ARHGAP10: variants seen among roughly 807,000 people sequenced by gnomAD.
ARHGAP10 encodes the protein Rho GTPase activating protein 10, also known as rho GTPase-activating protein 10.
In ARHGAP10, 87 loss-of-function variants were observed where a neutral mutation model predicts 108.6. The observed-to-expected ratio is 0.80, with a 90% CI of 0.67 to 0.96. The LOEUF is 0.96. ARHGAP10 is among the 40% of genes least tolerant of loss of function. The pLI, the probability that ARHGAP10 is intolerant of heterozygous loss-of-function variation, is 0.00. For synonymous variants in ARHGAP10, 347 were observed against 341.1 expected, an observed-to-expected ratio of 1.02 and a Z score of -0.19; for missense variants, 939 against 954.5, an observed-to-expected ratio of 0.98 and a Z score of 0.21.
intron 20 of ARHGAP10, among the ~76,000 whole-genome samples, chr4:148,059,862 C>T (rs1436393782): frequency 6.6e-6 from 1 of 152,176 alleles, no homozygotes; most frequent in Non-Finnish European, 1.5e-5. Context: ...TCCCTGAGTT[C>T]CAGTTCCTAC....
chr4:147,850,314 C>T (rs1452571097), intron 4 of ARHGAP10, among the ~76,000 whole-genome samples: 1 of 152,200 alleles, frequency 6.6e-6, no homozygotes, highest in East Asian at 1.9e-4. Flanking sequence ...CCATCCAAGC[C>T]AGCAGGGGCA....
Position 147,783,024 on chromosome 4 carries a change from A to C in ARHGAP10, c.155-39703A>C, listed in dbSNP as rs1020109764. 2.1e-5 allele frequency among the ~76,000 whole-genome samples: 3 copies of C among 141,008 alleles called. No individual in the cohort carries two copies. In the Admixed American group the frequency reaches 2.2e-4, roughly 11 times the overall value. 92.5% of individuals were successfully genotyped at this position (141,008 alleles called of 152,430 possible). The stretch of plus-strand genomic sequence containing the variant: ...ATATAAATTATATACTATATGTTAA[A>C]TTATATATATAAATTATATACTATA... On this transcript the variant is annotated intron_variant, in intron 1 of 22. Coordinates refer to ENST00000336498, the MANE Select transcript of ARHGAP10 (RefSeq NM_024605.4).
chr4:147,905,932 T>G (rs928034840), intron 10 of ARHGAP10, among the ~76,000 whole-genome samples: 3 of 152,220 alleles, frequency 2.0e-5, no homozygotes, highest in Admixed American at 6.5e-5. Flanking sequence ...GTAGTTCTCC[T>G]TGAAGAGGTC....
chr4:147,744,485 G>A (rs1285014269), intron 1 of ARHGAP10, among the ~76,000 whole-genome samples: 2 of 152,146 alleles, frequency 1.3e-5, no homozygotes, highest in Non-Finnish European at 2.9e-5. Flanking sequence ...AGTGGTGTGA[G>A]TTGAATTGTT....
intron 13 of ARHGAP10, among the ~76,000 whole-genome samples, chr4:147,939,618 G>C (rs987335323): frequency 2.6e-5 from 4 of 152,146 alleles, no homozygotes; most frequent in Admixed American, 2.0e-4. Context: ...ATGGAACATT[G>C]TTTGCTGAGA....
intron 18 of ARHGAP10, among the ~76,000 whole-genome samples, chr4:148,022,050 A>G (rs6856145): frequency 0.24 from 35,777 of 152,148 alleles, 6,415 homozygotes; most frequent in African/African-American, 0.5. Context: ...GTTGTTCAGC[A>G]ATACACATAT....
intron 5 of ARHGAP10, among the ~76,000 whole-genome samples, chr4:147,860,501 G>C (rs1415115393): frequency 6.6e-6 from 1 of 152,138 alleles, no homozygotes; most frequent in East Asian, 1.9e-4. Context: ...CATATACCAT[G>C]CTGGCTATTT....
At chr4:148,050,619 C>T (rs1198803954) in intron 20 of ARHGAP10, among the ~76,000 whole-genome samples, 1 of 151,464 alleles carries the variant, frequency 6.6e-6, no homozygotes, top group Non-Finnish European at 1.5e-5. Flanking sequence ...GTGATCCACC[C>T]ACCTCGGCCT....
chr4:147,854,625 C>A, intron 4 of ARHGAP10: 2 of 871,488 alleles, frequency 2.3e-6, no homozygotes, highest in Non-Finnish European at 2.8e-6. Context: ...AAGCTCCATT[C>A]TTTATTGAAT....
At chr4:148,063,564 A>T (rs1729722338) in intron 21 of ARHGAP10, among the ~76,000 whole-genome samples, 1 of 152,202 alleles carries the variant, frequency 6.6e-6, no homozygotes, top group Non-Finnish European at 1.5e-5. Context: ...TGCATTTATG[A>T]AGAAGTTCTT....
chr4:147,982,242 T>A (rs1739836617), intron 18 of ARHGAP10, among the ~76,000 whole-genome samples: 1 of 152,208 alleles, frequency 6.6e-6, no homozygotes, highest in Non-Finnish European at 1.5e-5. Context: ...AACATGATCC[T>A]TTTCTGTAGC....
At chr4:147,751,449 C>T (rs548663944) in intron 1 of ARHGAP10, among the ~76,000 whole-genome samples, 2 of 151,294 alleles carry the variant, frequency 1.3e-5, no homozygotes, top group East Asian at 2.0e-4. Flanking sequence ...CTGCAACCTC[C>T]GCCTCCTGGG....
intron 7 of ARHGAP10, 52 bp downstream of exon 7, chr4:147,866,868 A>G (rs752311692): frequency 1.4e-6 from 2 of 1,443,032 alleles, no homozygotes; most frequent in Non-Finnish European, 1.9e-6. Flanking sequence ...AGTATTTTTC[A>G]TTTGTGTGTT....
chr4:147,912,332 G>C (rs1413270306), intron 12 of ARHGAP10, among the ~76,000 whole-genome samples: 1 of 151,320 alleles, frequency 6.6e-6, no homozygotes, highest in African/African-American at 2.4e-5. Context: ...CTGAGGTCAG[G>C]AATTCAAGAC....
chr4:147,830,983 A>G (rs1462741929), intron 3 of ARHGAP10, among the ~76,000 whole-genome samples: 2 of 152,238 alleles, frequency 1.3e-5, no homozygotes, highest in Non-Finnish European at 2.9e-5. Context: ...TTGTCATCAA[A>G]GTATGGTCCC....
intron 3 of ARHGAP10, among the ~76,000 whole-genome samples, chr4:147,836,850 T>A (rs907556955): frequency 6.6e-6 from 1 of 152,154 alleles, no homozygotes; most frequent in African/African-American, 2.4e-5. Context: ...TTTTTTTAAA[T>A]TGTTTTAGGT....
intron 18 of ARHGAP10, among the ~76,000 whole-genome samples, chr4:147,968,695 A>G (rs1739291866): frequency 1.3e-5 from 2 of 152,254 alleles, no homozygotes; most frequent in Admixed American, 1.3e-4. Flanking sequence ...AGTCACCTGT[A>G]GATGAGCACT....
At chr4:147,870,112 T>C (rs1047781537) in intron 7 of ARHGAP10, among the ~76,000 whole-genome samples, 1 of 151,550 alleles carries the variant, frequency 6.6e-6, no homozygotes, top group African/African-American at 2.4e-5. Context: ...AGCGGCCCAA[T>C]CAATCTCGGC....
chr4:147,790,402 CT>C (rs1322675141), intron 1 of ARHGAP10, among the ~76,000 whole-genome samples: 1 of 152,180 alleles, frequency 6.6e-6, no homozygotes, highest in African/African-American at 2.4e-5. Context: ...CTAGTAATAC[CT>C]TTAAAAAATG....
Sources: allele counts gnomAD v4.1 joint callset (sites outside exome capture counted in the v4.1 genomes callset), GRCh38; gene constraint gnomAD v4.1.1; transcripts MANE v1.5; gene names NCBI Gene and HGNC (gene_info 2026-07-23, HGNC 2026-07-21).